Variants in ARID3B observed in about 807,000 individuals in gnomAD.
ARID3B encodes AT-rich interactive domain-containing protein 3B.
In ARID3B, 10 loss-of-function variants were observed where a neutral mutation model predicts 51.9. That is an observed-to-expected ratio of 0.19 (90% CI 0.12 to 0.33). The LOEUF is 0.33. Among genes scored for constraint, ARID3B ranks in the 10% least tolerant of loss-of-function variants. The probability of loss-of-function intolerance (pLI) is 1.00; values close to 1 mark genes in which losing one functional copy is unlikely to be tolerated. For synonymous variants in ARID3B, 205 were observed against 279.5 expected, an observed-to-expected ratio of 0.73 and a Z score of 2.66; for missense variants, 483 against 716.3, an observed-to-expected ratio of 0.67 and a Z score of 3.72.
intron 2 of ARID3B, among the ~76,000 whole-genome samples, chr15:74,572,157 C>T (rs571060338): frequency 6.6e-6 from 1 of 151,998 alleles, no homozygotes; most frequent in Non-Finnish European, 1.5e-5. Context: ...AGATAGGAAG[C>T]AAGTTTAAAG....
intron 2 of ARID3B, among the ~76,000 whole-genome samples, chr15:74,556,345 T>C (rs2061657534): frequency 6.6e-6 from 1 of 152,170 alleles, no homozygotes; most frequent in Non-Finnish European, 1.5e-5. Flanking sequence ...AAGTTTGATA[T>C]CTTATATGGG....
intron 4 of ARID3B, among the ~76,000 whole-genome samples, chr15:74,582,360 G>A (rs908254457): frequency 6.6e-6 from 1 of 152,036 alleles, no homozygotes; most frequent in South Asian, 2.1e-4. Context: ...TATAGATGGG[G>A]TGTCACCATG....
Position 74,595,761 on chromosome 15 carries a change from G to C in ARID3B, c.1670G>C (p.Ser557Thr). The C allele has an allele frequency of 1.9e-6, 3 of 1,604,322 alleles. No individual in the cohort carries two copies. The highest frequency in any genetic ancestry group is 2.6e-6 in the Non-Finnish European group (3 of 1,174,234). ...RGTPSAEPST[S>T]WSL The stretch of plus-strand genomic sequence containing the variant: ...ACCCCCAGCGCAGAGCCCTCCACCA[G>C]CTGGTCCCTCTGATGGGCAGGACCC... Residue 557 changes from serine to threonine, a missense_variant, in exon 9 of 9, where the codon AGC (serine) becomes ACC (threonine). By Grantham distance (58) the Ser-to-Thr change is moderately conservative. Transcript: ENST00000346246.
chr15:74,542,108 T>C (rs890398460), intron 1 of ARID3B, among the ~76,000 whole-genome samples: 1 of 152,210 alleles, frequency 6.6e-6, no homozygotes, highest in Non-Finnish European at 1.5e-5. Flanking sequence ...CAAGAAGCAG[T>C]TGTTCAGTGA....
At position 74,595,591 on chromosome 15, in the gene ARID3B, C is replaced by T. The variant is rs1157079425; in HGVS notation, c.1520-20C>T. The T allele has an allele frequency of 1.2e-6, 2 of 1,608,692 alleles. No homozygotes were observed. The highest frequency in any genetic ancestry group is 3.4e-5 in the Admixed American group (2 of 59,574). On this transcript the variant is annotated intron_variant, in intron 8 of 8. Coordinates refer to ENST00000346246, the MANE Select transcript of ARID3B (RefSeq NM_006465.4). ...TTCGCTCTTCCTCTGCCCACACTTG[C>T]TTCTCTTCCACCCACCAAGGTGTGC...
rs1642153729 is a variant in ARID3B, at chr15:74,596,073, G to A, written c.*299G>A. 2 of 401,906 alleles carry A rather than the reference G, an allele frequency of 5.0e-6. No individual in the cohort carries two copies. Among genetic ancestry groups the A allele is most frequent in the Non-Finnish European group, 8.9e-6 (2 of 224,668 alleles). 24.9% of individuals were successfully genotyped at this position (401,906 alleles called of 1,614,324 possible). ...GGTTCCCCAGCCACCTCCCAGCTCA[G>A]GGCACAGTGTATCGACAATCTGTCA... On this transcript the variant is annotated 3_prime_UTR_variant, in exon 9 of 9. Transcript: ENST00000346246.
Position 74,549,628 on chromosome 15 carries a change from T to A in ARID3B, c.552+5140T>A, listed in dbSNP as rs1379748192. ...GACTATGGAACATTTGAGGCTTTTTTAAAAAACTGTGCAAAGTATTGCCCA... is the reference window on the plus strand; with the variant it reads ...GACTATGGAACATTTGAGGCTTTTTAAAAAAACTGTGCAAAGTATTGCCCA... On this transcript the variant is annotated intron_variant, in intron 2 of 8. Transcript: ENST00000346246. Among the ~76,000 whole-genome samples, 5 of 152,078 alleles carry A rather than the reference T, an allele frequency of 3.3e-5. No homozygotes were observed. The South Asian group carries it at 8.3e-4, about 25-fold the overall frequency.
At chr15:74,553,531 G>A (rs1390006252) in intron 2 of ARID3B, among the ~76,000 whole-genome samples, 1 of 152,126 alleles carries the variant, frequency 6.6e-6, no homozygotes, top group East Asian at 1.9e-4. Context: ...TCAACTCATG[G>A]GTTGTTAAAA....
chr15:74,597,348 G>A lies in ARID3B; in HGVS notation c.*1574G>A, dbSNP rs370585431. 3.1e-5 allele frequency: 13 copies of A among 420,982 alleles called. No homozygotes were observed. The highest frequency in any genetic ancestry group is 4.9e-5 in the Non-Finnish European group (11 of 223,236). 26.1% of individuals were successfully genotyped at this position (420,982 alleles called of 1,614,324 possible). A position where few individuals can be genotyped will look rare whatever the true frequency, so the allele number is the denominator to read the frequency against. ...GGCAGTGGGAGACACCGCGCGTGGC[G>A]TGGGTGTGTGTGGCAGCGTGGCTCG... On this transcript the variant is annotated 3_prime_UTR_variant, in exon 9 of 9. Coordinates refer to ENST00000346246, the MANE Select transcript of ARID3B (RefSeq NM_006465.4).
At chr15:74,592,194 T>G (rs2061806182) in intron 7 of ARID3B, among the ~76,000 whole-genome samples, 1 of 152,182 alleles carries the variant, frequency 6.6e-6, no homozygotes, top group South Asian at 2.1e-4. Flanking sequence ...AGACACCCCA[T>G]GTTCCTGAGG....
In ARID3B at chr15:74,561,650, T is replaced by C. The variant is rs80048897; in HGVS notation, c.553-11212T>C. On this transcript the variant is annotated intron_variant, in intron 2 of 8. Transcript: ENST00000346246. ...TTCCTTTTGCTTTGGTTTTCTCATC[T>C]GAAGAGTAGGGATAATAATAGTACC... is the stretch of plus-strand genomic sequence containing the variant. Among the ~76,000 whole-genome samples, 1,172 of 152,334 alleles carry C rather than the reference T, an allele frequency of 7.7e-3. 8 individuals are homozygous for C. Among genetic ancestry groups the C allele is most frequent in the African/African-American group, 0.027 (1,127 of 41,570 alleles).
chr15:74,543,587 G>T (rs374280704), intron 1 of ARID3B, among the ~76,000 whole-genome samples: 42 of 152,224 alleles, frequency 2.8e-4, no homozygotes, highest in African/African-American at 1.0e-3. Context: ...TAGCAGACTA[G>T]ATATTGGCTG....
Position 74,598,084 on chromosome 15 carries a change from A to G in ARID3B, c.*2310A>G. 3.9e-6 allele frequency: 2 copies of G among 511,218 alleles called. No homozygotes were observed. Among genetic ancestry groups the G allele is most frequent in the South Asian group, 1.6e-5 (1 of 63,670 alleles). 31.7% of individuals were successfully genotyped at this position (511,218 alleles called of 1,614,324 possible). A position where few individuals can be genotyped will look rare whatever the true frequency, so the allele number is the denominator to read the frequency against. On this transcript the variant is annotated 3_prime_UTR_variant, in exon 9 of 9. Transcript: ENST00000346246. ...ATGTTGTGGTTATTTTCTATCTTAC[A>G]TGTTCTCGAATGTTTATATTTCAAT... is the stretch of plus-strand genomic sequence containing the variant.
chr15:74,594,296 AAGTT>A (rs1230085988), intron 8 of ARID3B, among the ~76,000 whole-genome samples: 3 of 151,960 alleles, frequency 2.0e-5, no homozygotes, highest in African/African-American at 7.3e-5. Context: ...AAAATACAAA[AAGTT>A]AGCCAGGCGT....
chr15:74,578,790 A>T (rs1050316253), intron 4 of ARID3B, among the ~76,000 whole-genome samples: 2 of 152,142 alleles, frequency 1.3e-5, no homozygotes, highest in Non-Finnish European at 2.9e-5. Context: ...GCTACTTTGG[A>T]GGCTGAGGTG....
At chr15:74,545,687 G>A (rs1191714010) in intron 2 of ARID3B, among the ~76,000 whole-genome samples, 1 of 152,142 alleles carries the variant, frequency 6.6e-6, no homozygotes, top group Non-Finnish European at 1.5e-5. Context: ...AAAAGCTGTG[G>A]GTTTTCACAG....
chr15:74,581,986 C>G (rs1005146343), intron 4 of ARID3B, among the ~76,000 whole-genome samples: 1 of 152,168 alleles, frequency 6.6e-6, no homozygotes, highest in East Asian at 1.9e-4. Context: ...GAAACTCAGA[C>G]AGCCGTGCAC....
At position 74,554,070 on chromosome 15, in the gene ARID3B, G is replaced by C. The variant is rs1347345766; in HGVS notation, c.552+9582G>C. On this transcript the variant is annotated intron_variant, in intron 2 of 8. Coordinates refer to ENST00000346246, the MANE Select transcript of ARID3B (RefSeq NM_006465.4). ...CGCTCAGGCTAGAGTGCAGTGGCAC[G>C]ATCTTGGCTCATTACGAGCTCCGCC... is the stretch of plus-strand genomic sequence containing the variant. Among the ~76,000 whole-genome samples the C allele has an allele frequency of 3.9e-5, 6 of 152,070 alleles. No individual in the cohort carries two copies. The East Asian group carries it at 1.2e-3, about 29-fold the overall frequency.
chr15:74,597,752 C>T lies in ARID3B; in HGVS notation c.*1978C>T, dbSNP rs2061833859. On this transcript the variant is annotated 3_prime_UTR_variant, in exon 9 of 9. Coordinates refer to ENST00000346246, the MANE Select transcript of ARID3B (RefSeq NM_006465.4). ...GCAGGGAAAGCACACTGTGTCTTTCCGGTCATTGGATCCTCTCCCTTTCCC... is the reference window on the plus strand; with the variant it reads ...GCAGGGAAAGCACACTGTGTCTTTCTGGTCATTGGATCCTCTCCCTTTCCC... The T allele has an allele frequency of 1.3e-5, 6 of 461,690 alleles. No individual in the cohort carries two copies. Among genetic ancestry groups the T allele is most frequent in the East Asian group, 4.0e-5 (1 of 25,036 alleles). The allele number at this position is 461,690 out of a possible 1,614,324, so 28.6% of individuals were successfully genotyped here. A position where few individuals can be genotyped will look rare whatever the true frequency, so the allele number is the denominator to read the frequency against.
Sources: allele counts gnomAD v4.1 joint callset (sites outside exome capture counted in the v4.1 genomes callset), GRCh38; gene constraint gnomAD v4.1.1; transcripts MANE v1.5; gene names NCBI Gene and HGNC (gene_info 2026-07-23, HGNC 2026-07-21).